The following OLFM3 variants were observed in gnomAD, a reference collection of about 807,000 sequenced individuals.
OLFM3 encodes olfactomedin 3.
A neutral mutation model predicts 48.6 loss-of-function variants in OLFM3; 20 were observed. The ratio of observed to expected loss-of-function variants is 0.41; its 90% CI spans 0.29 to 0.60. OLFM3 has a LOEUF of 0.60. OLFM3 is among the 20% of genes least tolerant of loss of function. OLFM3 has a pLI of 0.28. For synonymous variants in OLFM3, 222 were observed against 198.1 expected (o/e 1.12, Z -1.01); for missense variants, 437 against 544.3 (o/e 0.80, Z 1.96).
chr1:101,975,907 C>A (rs924751374), intron 1 of OLFM3, among the ~76,000 whole-genome samples: 1 of 151,318 alleles, frequency 6.6e-6, no homozygotes, highest in African/African-American at 2.4e-5. Context: ...AGAAAGAGCA[C>A]GAAAGAAAAG....
At chr1:101,842,220 T>C (rs1362362560) in intron 1 of OLFM3, among the ~76,000 whole-genome samples, 1 of 151,990 alleles carries the variant, frequency 6.6e-6, no homozygotes, top group East Asian at 1.9e-4. Flanking sequence ...ATAATAATAA[T>C]GAATAAAAAC....
In OLFM3 at chr1:101,915,732, T is replaced by C. The variant is rs17125733; in HGVS notation, c.70-78707A>G. Among the ~76,000 whole-genome samples the C allele has an allele frequency of 9.9e-3, 1,502 of 152,292 alleles. 25 individuals carry two copies. The highest frequency in any genetic ancestry group is 0.034 in the African/African-American group (1,393 of 41,578). Reference sequence around the variant, plus strand: ...CACACAGCTGAGGATATTCCAACCTTGGCATCCTTTCAGAAGTTATTTCCA... The same window carrying C: ...CACACAGCTGAGGATATTCCAACCTCGGCATCCTTTCAGAAGTTATTTCCA... On this transcript the variant is annotated intron_variant, in intron 1 of 5. Transcript: ENST00000370103.
chr1:101,852,917 C>T (rs535106268), intron 1 of OLFM3, among the ~76,000 whole-genome samples: 1 of 152,184 alleles, frequency 6.6e-6, no homozygotes, highest in African/African-American at 2.4e-5. Context: ...TGTACCATCC[C>T]AGCTGCCACT....
At chr1:101,978,554 G>C (rs1335432562) in intron 1 of OLFM3, among the ~76,000 whole-genome samples, 1 of 152,076 alleles carries the variant, frequency 6.6e-6, no homozygotes, top group African/African-American at 2.4e-5. Flanking sequence ...AAATAATAAA[G>C]TGCATTTAAA....
rs569811521 is a variant in OLFM3, at chr1:101,845,781, G to T, written c.70-8756C>A. Among the ~76,000 whole-genome samples, 4 of 152,306 alleles carry T rather than the reference G, an allele frequency of 2.6e-5. No homozygotes were observed. The East Asian group carries it at 7.7e-4, about 29-fold the overall frequency. ...AAGCAGGTCAAAGTGTGGCTTGTAT[G>T]TGCTCTGCTGGTGCCTTAAGCACTG... is the stretch of plus-strand genomic sequence containing the variant. On this transcript the variant is annotated intron_variant, in intron 1 of 5. Transcript: ENST00000370103.
At chr1:101,959,361 T>A (rs12742339) in intron 1 of OLFM3, among the ~76,000 whole-genome samples, 37,094 of 150,940 alleles carry the variant, frequency 0.25, 4,869 homozygotes, top group Middle Eastern at 0.33. Flanking sequence ...TTAACTTTTT[T>A]ACTTTCACTT....
intron 1 of OLFM3, among the ~76,000 whole-genome samples, chr1:101,908,507 T>C (rs577101819): frequency 3.3e-5 from 5 of 152,256 alleles, no homozygotes; most frequent in African/African-American, 9.6e-5. Context: ...TAGATGCATT[T>C]TGAATATTTG....
At chr1:101,840,091 AAAG>A (rs1655638652) in intron 1 of OLFM3, among the ~76,000 whole-genome samples, 2 of 152,162 alleles carry the variant, frequency 1.3e-5, no homozygotes, top group Admixed American at 1.3e-4. Context: ...CTGGCATTGA[AAAG>A]AGAATCAAAA....
intron 1 of OLFM3, among the ~76,000 whole-genome samples, chr1:101,943,117 A>C (rs1374993229): frequency 6.6e-6 from 1 of 152,208 alleles, no homozygotes; most frequent in East Asian, 1.9e-4. Flanking sequence ...TCAAGCATAA[A>C]TCTAGGTATT....
intron 1 of OLFM3, among the ~76,000 whole-genome samples, chr1:101,976,011 T>C (rs899392432): frequency 2.0e-5 from 3 of 152,182 alleles, no homozygotes; most frequent in Non-Finnish European, 2.9e-5. Flanking sequence ...AAGTGGACAT[T>C]ATTAAATTCT....
chr1:101,879,292 G>A (rs1657424557), intron 1 of OLFM3, among the ~76,000 whole-genome samples: 1 of 151,796 alleles, frequency 6.6e-6, no homozygotes, highest in Admixed American at 6.6e-5. Flanking sequence ...ACACAGTATA[G>A]TTTGAATGTT....
At chr1:101,930,352 T>C (rs926966009) in intron 1 of OLFM3, among the ~76,000 whole-genome samples, 3 of 152,068 alleles carry the variant, frequency 2.0e-5, no homozygotes, top group East Asian at 1.9e-4. Context: ...ACTCTGTGAG[T>C]TTTTTTGAAA....
At chr1:101,822,252 G>A (rs1417322625) in intron 4 of OLFM3, among the ~76,000 whole-genome samples, 1 of 152,142 alleles carries the variant, frequency 6.6e-6, no homozygotes, top group African/African-American at 2.4e-5. Context: ...CAGAATACCT[G>A]TAGAAGGAAA....
rs369114043 is a variant in OLFM3 at position 101,804,410 on chromosome 1, G to A, written c.1205C>T (p.Thr402Ile). 15 of 1,612,408 alleles carry A rather than the reference G, an allele frequency of 9.3e-6. No individual in the cohort carries two copies. The highest frequency in any genetic ancestry group is 1.3e-5 in the Non-Finnish European group (15 of 1,178,976). The change falls in exon 6 of 6, where the codon ACC (threonine) becomes ATC (isoleucine). Residue 402 changes from threonine (T) to isoleucine (I), a missense_variant. Physicochemically the swap from Thr to Ile is moderately conservative, Grantham distance 89 (BLOSUM62 -1). This residue lies in a region of OLFM3 where 108 missense variants were observed against 135.8 expected (regional missense o/e 0.80). Transcript: ENST00000370103. The surrounding 1 kb of genome is among the most constrained non-coding windows in gnomAD (Gnocchi z 4.5). ...TGTGTACTCATATGTGGAGGTTTTGGTGGAATAGGAATAATACACCTTGGC... is the reference window on the plus strand; with the variant it reads ...TGTGTACTCATATGTGGAGGTTTTGATGGAATAGGAATAATACACCTTGGC... ...TGAKVYYSYS[T>I]KTSTYEYTDI...
chr1:101,908,838 G>C (rs1344409546), intron 1 of OLFM3, among the ~76,000 whole-genome samples: 1 of 152,102 alleles, frequency 6.6e-6, no homozygotes, highest in Non-Finnish European at 1.5e-5. Context: ...GGAATGCCTG[G>C]AGCCACCAGA....
intron 4 of OLFM3, among the ~76,000 whole-genome samples, 155 bp from the exon 5 acceptor site, chr1:101,806,337 T>C (rs186061260): frequency 6.6e-5 from 10 of 151,966 alleles, no homozygotes; most frequent in Admixed American, 6.6e-4. Context: ...CAATGGGTGC[T>C]GGGCCTTTAA....
At chr1:101,815,344 A>G (rs532468355) in intron 4 of OLFM3, among the ~76,000 whole-genome samples, 4 of 151,812 alleles carry the variant, frequency 2.6e-5, no homozygotes, top group African/African-American at 9.7e-5. Flanking sequence ...CTACTCAGGA[A>G]ACTAAGGCAG....
intron 1 of OLFM3, among the ~76,000 whole-genome samples, chr1:101,952,854 CACAGGAGACTGACT>C (rs1660184304): frequency 6.6e-6 from 1 of 152,018 alleles, no homozygotes; most frequent in Non-Finnish European, 1.5e-5. Flanking sequence ...CTCTGGACAT[CACAGGAGACTGACT>C]ACTCTCATGA....
At position 101,976,315 on chromosome 1, in the gene OLFM3, T is replaced by C. The variant is rs948952468; in HGVS notation, c.69+20433A>G. 1.3e-4 allele frequency among the ~76,000 whole-genome samples: 20 copies of C among 152,338 alleles called. No individual in the cohort carries two copies. In the South Asian group the frequency reaches 1.7e-3, roughly 13 times the overall value. ...GGTATTATCAGTAGCTGAACTGCAT[T>C]GTATCCAGGTAGACTGTAGTGACCA... On this transcript the variant is annotated intron_variant, in intron 1 of 5. Transcript: ENST00000370103.
Sources: allele counts gnomAD v4.1 joint callset (sites outside exome capture counted in the v4.1 genomes callset), GRCh38; gene constraint gnomAD v4.1.1; regional missense constraint gnomAD v4.1.1; non-coding constraint Gnocchi (gnomAD v3.1); transcripts MANE v1.5; gene names NCBI Gene and HGNC (gene_info 2026-07-23, HGNC 2026-07-21).